The following UST variants were observed in gnomAD, a reference collection of about 807,000 sequenced individuals.
The protein encoded by UST is uronyl 2-sulfotransferase.
A neutral mutation model predicts 45.6 loss-of-function variants in UST; 21 were observed. The ratio of observed to expected loss-of-function variants is 0.46; its 90% confidence interval spans 0.33 to 0.66. The LOEUF (loss-of-function observed/expected upper bound fraction) is 0.66, where lower values mean the gene tolerates loss of function less well. UST is among the 30% of genes least tolerant of loss of function. The pLI, the probability that UST is intolerant of heterozygous loss-of-function variation, is 0.02. For missense variants in UST, 463 were observed against 512.4 expected, an observed-to-expected ratio of 0.90 and a Z score of 0.93; for synonymous variants, 215 against 200.6, an observed-to-expected ratio of 1.07 and a Z score of -0.61.
At chr6:149,005,993 G>A (rs1175569586) in intron 5 of UST, among the ~76,000 whole-genome samples, 3 of 152,172 alleles carry the variant, frequency 2.0e-5, no homozygotes, top group Non-Finnish European at 4.4e-5. Context: ...TGGCCAAAGA[G>A]GTCCTTGTAA....
intron 7 of UST, among the ~76,000 whole-genome samples, chr6:149,030,583 A>G (rs968387648): frequency 1.1e-4 from 16 of 152,174 alleles, no homozygotes; most frequent in African/African-American, 3.4e-4. Context: ...ATTGTTTTTA[A>G]AAACTCAATT....
chr6:149,019,276 A>G, intron 6 of UST, 40 bp downstream of exon 6: 2 of 1,515,908 alleles, frequency 1.3e-6, no homozygotes, highest in South Asian at 1.1e-5. Context: ...ACGTACGCAC[A>G]ACAAGGGCAA....
intron 1 of UST, among the ~76,000 whole-genome samples, chr6:148,784,149 G>A (rs1394670992): frequency 6.6e-6 from 1 of 151,942 alleles, no homozygotes; most frequent in African/African-American, 2.4e-5. Context: ...ATCCATATTC[G>A]ATGTGGAAAT....
chr6:148,886,818 AAT>A (rs1390075902), intron 1 of UST, among the ~76,000 whole-genome samples, 166 bp from the exon 2 acceptor site: 2 of 152,234 alleles, frequency 1.3e-5, no homozygotes, highest in African/African-American at 4.8e-5. Flanking sequence ...CAAACATAGT[AAT>A]ATCAGCAAAA....
intron 2 of UST, among the ~76,000 whole-genome samples, chr6:148,921,291 G>A (rs2114895704): frequency 6.6e-6 from 1 of 152,314 alleles, no homozygotes; most frequent in African/African-American, 2.4e-5. Flanking sequence ...TTAAGGAGTT[G>A]AGAATAATTT....
chr6:149,000,565 G>GA lies in UST; in HGVS notation c.682-18566dup, dbSNP rs557840151. 3.2e-3 allele frequency among the ~76,000 whole-genome samples: 481 copies of GA among 151,880 alleles called. 8 individuals are homozygous for GA. Among genetic ancestry groups the GA allele is most frequent in the South Asian group, 0.024 (115 of 4,794 alleles). ...CAGACCATACATTCTAAGGAACATG[G>GA]AAAAAAAATCCAATACCAAGAAAGG... On this transcript the variant is annotated intron_variant, in intron 5 of 7. Coordinates refer to ENST00000367463, the MANE Select transcript of UST (RefSeq NM_005715.3).
At chr6:148,899,407 T>A (rs1355365806) in intron 2 of UST, among the ~76,000 whole-genome samples, 1 of 152,230 alleles carries the variant, frequency 6.6e-6, no homozygotes. Context: ...CCTACCTAAT[T>A]CTTTTCTTAT....
intron 5 of UST, among the ~76,000 whole-genome samples, chr6:149,018,240 T>C (rs1230876477): frequency 1.3e-5 from 2 of 152,174 alleles, no homozygotes; most frequent in African/African-American, 4.8e-5. Flanking sequence ...CCTAAACACC[T>C]ACACCCACAC....
intron 2 of UST, among the ~76,000 whole-genome samples, chr6:148,917,341 C>T (rs941900653): frequency 1.6e-4 from 24 of 152,218 alleles, no homozygotes; most frequent in African/African-American, 5.8e-4. Flanking sequence ...ATAGCAGGAC[C>T]TCAATAAACA....
chr6:148,987,839 A>G (rs905398984), intron 5 of UST, among the ~76,000 whole-genome samples: 1 of 151,924 alleles, frequency 6.6e-6, no homozygotes, highest in African/African-American at 2.4e-5. Flanking sequence ...CTTCTTCATC[A>G]TGTGCTTTCA....
At chr6:149,017,661 T>C (rs182673946) in intron 5 of UST, among the ~76,000 whole-genome samples, 55 of 152,262 alleles carry the variant, frequency 3.6e-4, no homozygotes, top group Middle Eastern at 3.4e-3. Context: ...TCCTTCTCAT[T>C]TTTTCCAGGT....
chr6:148,954,018 C>G (rs1028923860), intron 4 of UST, 67 bp downstream of exon 4: 13 of 1,323,542 alleles, frequency 9.8e-6, no homozygotes, highest in East Asian at 2.5e-5. Flanking sequence ...TAGAAATCTA[C>G]CTTTATTTAC....
intron 1 of UST, among the ~76,000 whole-genome samples, chr6:148,776,815 G>C (rs1776543254): frequency 6.6e-6 from 1 of 152,176 alleles, no homozygotes; most frequent in Non-Finnish European, 1.5e-5. Flanking sequence ...GAATCTGGCT[G>C]TGATACAGTC....
At position 148,913,074 on chromosome 6, in the gene UST, A is replaced by G. The variant is rs547000084; in HGVS notation, c.291+26045A>G. On this transcript the variant is annotated intron_variant, in intron 2 of 7. Transcript: ENST00000367463. ...GTTTTAGAGCACCTTAGAGATCTCAAATAACTTTGTGCAGAAATTTCTTAC... is the reference window on the plus strand; with the variant it reads ...GTTTTAGAGCACCTTAGAGATCTCAGATAACTTTGTGCAGAAATTTCTTAC... Among the ~76,000 whole-genome samples, 7 of 150,676 alleles carry G rather than the reference A, an allele frequency of 4.6e-5. No individual in the cohort carries two copies. The South Asian group carries it at 1.3e-3, about 28-fold the overall frequency.
intron 1 of UST, among the ~76,000 whole-genome samples, chr6:148,845,687 T>G (rs547488701): frequency 5.9e-4 from 90 of 152,348 alleles, no homozygotes; most frequent in Non-Finnish European, 1.1e-3. Context: ...TGTTTAACTT[T>G]ATAAGCAGCT....
intron 5 of UST, among the ~76,000 whole-genome samples, chr6:149,004,998 C>T (rs1781620306): frequency 1.2e-5 from 1 of 84,524 alleles, no homozygotes; most frequent in African/African-American, 4.9e-5. Flanking sequence ...ACTATACCTC[C>T]AGCTGATTTT....
chr6:148,857,739 G>A (rs1778231069), intron 1 of UST, among the ~76,000 whole-genome samples: 1 of 146,468 alleles, frequency 6.8e-6, no homozygotes, highest in Admixed American at 7.0e-5. Flanking sequence ...CTCCAGCCTG[G>A]GAGACAGAGT....
chr6:148,923,572 C>T (rs1779755515), intron 2 of UST, among the ~76,000 whole-genome samples: 1 of 152,206 alleles, frequency 6.6e-6, no homozygotes. Flanking sequence ...AAGCAAAATG[C>T]TAGAGTCTCT....
intron 1 of UST, among the ~76,000 whole-genome samples, chr6:148,832,844 C>G (rs1223807402): frequency 6.6e-6 from 1 of 152,264 alleles, no homozygotes; most frequent in African/African-American, 2.4e-5. Flanking sequence ...GTATTATATT[C>G]TTTGATTTGT....
Sources: allele counts gnomAD v4.1 joint callset (sites outside exome capture counted in the v4.1 genomes callset), GRCh38; gene constraint gnomAD v4.1.1; transcripts MANE v1.5; gene names NCBI Gene and HGNC (gene_info 2026-07-23, HGNC 2026-07-21).